SFI1: variants seen among roughly 807,000 people sequenced by gnomAD.
SFI1 encodes protein SFI1 homolog.
In SFI1, 195 loss-of-function variants were observed where a neutral mutation model predicts 207.5. That is an observed-to-expected ratio of 0.94 (90% confidence interval 0.84 to 1.06). The LOEUF (loss-of-function observed/expected upper bound fraction) is 1.06. SFI1 is among the 50% of genes least tolerant of loss of function. The pLI is 0.00. For missense variants in SFI1, 1,634 were observed against 1,588.0 expected (o/e 1.03, Z -0.49); for synonymous variants, 630 against 598.9 (o/e 1.05, Z -0.76).
chr22:31,618,244 C>T lies in SFI1; in HGVS notation c.3624+18C>T, dbSNP rs2072158747. 1 of 1,596,078 alleles carries T rather than the reference C, an allele frequency of 6.3e-7. No homozygotes were observed. The highest frequency in any genetic ancestry group is 8.5e-7 in the Non-Finnish European group (1 of 1,172,538). ...TGGAACAGGTGAGGCCCCAGGCCAT[C>T]CCCAGGTGTCCCTGGGGACGCCCCG... is the stretch of plus-strand genomic sequence containing the variant. On this transcript the variant is annotated intron_variant, in intron 32 of 32. Transcript: ENST00000400288.
At chr22:31,594,563 GA>G (rs1189519211) in intron 15 of SFI1, among the ~76,000 whole-genome samples, 675 of 5,620 alleles carry the variant, frequency 0.12, 13 homozygotes, top group African/African-American at 0.3. Context: ...AAAAAAAAAA[GA>G]AAAGAAAAAG....
At chr22:31,501,897 T>C (rs1194066300) in intron 1 of SFI1, among the ~76,000 whole-genome samples, 1 of 150,560 alleles carries the variant, frequency 6.6e-6, no homozygotes, top group Non-Finnish European at 1.5e-5. Flanking sequence ...TTTCCTCCCA[T>C]GTCCCCACGA....
chr22:31,532,813 C>T (rs1021001155), intron 4 of SFI1, among the ~76,000 whole-genome samples: 10 of 152,084 alleles, frequency 6.6e-5, no homozygotes, highest in Non-Finnish European at 4.4e-5. Context: ...AAAAAACTTA[C>T]TTGCAAGGCC....
intron 15 of SFI1, among the ~76,000 whole-genome samples, chr22:31,598,144 A>AT (rs1249935501): frequency 1.3e-5 from 2 of 150,716 alleles, no homozygotes; most frequent in East Asian, 3.9e-4. Context: ...CACCCGGCTA[A>AT]TTTTTTGTAT....
At chr22:31,498,940 C>T (rs2053245860) in intron 1 of SFI1, among the ~76,000 whole-genome samples, 1 of 150,068 alleles carries the variant, frequency 6.7e-6, no homozygotes, top group Admixed American at 6.7e-5. Context: ...CTCCTGACCT[C>T]ATGTGATCCA....
chr22:31,569,872 C>T (rs184750156), intron 8 of SFI1, among the ~76,000 whole-genome samples: 91 of 151,050 alleles, frequency 6.0e-4, no homozygotes, highest in East Asian at 2.3e-3. Flanking sequence ...CACCTGAGTC[C>T]GGGAAATTGA....
At chr22:31,548,338 G>A (rs2060295592) in intron 5 of SFI1, among the ~76,000 whole-genome samples, 1 of 152,114 alleles carries the variant, frequency 6.6e-6, no homozygotes, top group Non-Finnish European at 1.5e-5. Context: ...GGGAGGCTGA[G>A]GCGGGTGGAT....
chr22:31,609,010 T>C (rs1231298675), intron 22 of SFI1, among the ~76,000 whole-genome samples: 1 of 151,788 alleles, frequency 6.6e-6, no homozygotes, highest in African/African-American at 2.4e-5. Context: ...AGTCTCTCTC[T>C]TTTTTGAGAC....
At chr22:31,508,124 G>A (rs1164059412) in intron 1 of SFI1, 131 bp from the exon 2 acceptor site, 11 of 525,962 alleles carry the variant, frequency 2.1e-5, no homozygotes, top group Non-Finnish European at 3.1e-5. Context: ...TTAAGTCAGA[G>A]ACCTAGCCCA....
chr22:31,615,422 C>A, intron 29 of SFI1, 143 bp downstream of exon 29: 1 of 691,072 alleles, frequency 1.4e-6, no homozygotes, highest in Non-Finnish European at 2.2e-6. Flanking sequence ...CATAGGTAGC[C>A]ACTGCACACC....
chr22:31,517,133 CAA>C (rs561236186), intron 2 of SFI1, among the ~76,000 whole-genome samples: 1 of 141,030 alleles, frequency 7.1e-6, no homozygotes, highest in African/African-American at 2.6e-5. Flanking sequence ...GACTCTGTCT[CAA>C]AAAAAAAAGA....
chr22:31,543,797 G>A (rs561395685), intron 4 of SFI1, among the ~76,000 whole-genome samples: 194 of 143,316 alleles, frequency 1.4e-3, no homozygotes, highest in Middle Eastern at 4.0e-3. Context: ...GCGACAAAGC[G>A]AGACTCCATC....
intron 22 of SFI1, among the ~76,000 whole-genome samples, chr22:31,609,699 C>T (rs984251395): frequency 1.3e-5 from 2 of 152,228 alleles, no homozygotes; most frequent in Admixed American, 6.5e-5. Context: ...TGCATTACTG[C>T]GCCACGAATG....
Position 31,546,758 on chromosome 22 carries a change from C to T in SFI1, c.339-103C>T, listed in dbSNP as rs756289494. The stretch of plus-strand genomic sequence containing the variant: ...CTGGGATTACAGGTGTGAGCCACCA[C>T]GCCCGGCTGTACTTTTTCATGAGAC... On this transcript the variant is annotated intron_variant, in intron 4 of 32. Coordinates refer to ENST00000400288, the MANE Select transcript of SFI1 (RefSeq NM_001007467.3). The T allele has an allele frequency of 1.8e-4, 123 of 702,684 alleles. No individual in the cohort carries two copies. In the Middle Eastern group the frequency reaches 3.9e-3, roughly 22 times the overall value. The allele number at this position is 702,684 out of a possible 1,614,324, so 43.5% of individuals were successfully genotyped here. A position where few individuals can be genotyped will look rare whatever the true frequency, so the allele number is the denominator to read the frequency against.
At chr22:31,602,863 A>T in intron 17 of SFI1, 78 bp downstream of exon 17, 3 of 1,490,066 alleles carry the variant, frequency 2.0e-6, no homozygotes, top group Non-Finnish European at 2.7e-6. Context: ...ATGAGCTCCA[A>T]GTGCCTGTCT....
Position 31,608,375 on chromosome 22 carries a change from T to C in SFI1, c.2254+342T>C, listed in dbSNP as rs562012878. On this transcript the variant is annotated intron_variant, in intron 22 of 32. Coordinates refer to ENST00000400288, the MANE Select transcript of SFI1 (RefSeq NM_001007467.3). ...TCTTTGCCCCATCTTGACATATCGT[T>C]CCCTTCCTGTGTCTGGGTCCCTTAG... 1.1e-4 allele frequency among the ~76,000 whole-genome samples: 17 copies of C among 152,246 alleles called. No individual in the cohort carries two copies. The South Asian group carries it at 3.5e-3, about 32-fold the overall frequency.
chr22:31,561,042 C>T (rs2061656466), intron 7 of SFI1, among the ~76,000 whole-genome samples: 1 of 152,100 alleles, frequency 6.6e-6, no homozygotes, highest in Non-Finnish European at 1.5e-5. Flanking sequence ...GTAGGTCAAA[C>T]AGAGCATGTC....
At chr22:31,602,399 G>A in intron 16 of SFI1, 106 bp downstream of exon 16, 1 of 1,202,660 alleles carries the variant, frequency 8.3e-7, no homozygotes, top group Admixed American at 2.0e-5. Flanking sequence ...TCACTGGAGG[G>A]CCCCTGCCTG....
At chr22:31,612,794 T>G (rs2070591735) in intron 24 of SFI1, 1 of 249,608 alleles carries the variant, frequency 4.0e-6, no homozygotes, top group Non-Finnish European at 7.7e-6. Context: ...ATCTTGCTTT[T>G]TAAAAAGCCA....
Sources: gnomAD v4.1 joint callset for allele counts (sites outside exome capture counted in the v4.1 genomes callset) on GRCh38, gnomAD v4.1.1 for gene constraint, MANE v1.5 for transcripts, NCBI Gene and HGNC (gene_info 2026-07-23, HGNC 2026-07-21) for gene names.